The following LRFN5 variants were observed in gnomAD, a reference collection of about 807,000 sequenced individuals.
The protein encoded by LRFN5 is leucine rich repeat and fibronectin type III domain containing 5.
LRFN5 carries 24 observed loss-of-function variants against 45.6 expected under a neutral mutation model. The ratio of observed to expected loss-of-function variants is 0.53; its 90% confidence interval spans 0.38 to 0.74. The LOEUF (loss-of-function observed/expected upper bound fraction) is 0.74. Among genes scored for constraint, LRFN5 ranks in the 30% least tolerant of loss-of-function variants. The probability of loss-of-function intolerance (pLI) is 0.00; values close to 1 mark genes in which losing one functional copy is unlikely to be tolerated. For missense variants in LRFN5, 776 were observed against 861.5 expected, an observed-to-expected ratio of 0.90 and a Z score of 1.24; for synonymous variants, 340 against 313.8, an observed-to-expected ratio of 1.08 and a Z score of -0.88.
At chr14:41,845,590 A>T (rs1482064430) in intron 2 of LRFN5, among the ~76,000 whole-genome samples, 1 of 152,098 alleles carries the variant, frequency 6.6e-6, no homozygotes, top group African/African-American at 2.4e-5. Context: ...TGTGATTTTA[A>T]ATCTGACATC....
chr14:41,827,763 A>AT (rs1168965254), intron 2 of LRFN5, among the ~76,000 whole-genome samples: 3 of 152,034 alleles, frequency 2.0e-5, no homozygotes, highest in Non-Finnish European at 4.4e-5. Context: ...TGTTTTAACA[A>AT]TTTTTTATTT....
intron 1 of LRFN5, among the ~76,000 whole-genome samples, chr14:41,629,542 C>T (rs999109624): frequency 2.6e-5 from 4 of 152,094 alleles, no homozygotes; most frequent in Non-Finnish European, 4.4e-5. Context: ...TCAGTGTAGC[C>T]GATACAAATA....
At chr14:41,837,155 T>G (rs1594452659) in intron 2 of LRFN5, among the ~76,000 whole-genome samples, 2 of 110,548 alleles carry the variant, frequency 1.8e-5, no homozygotes, top group South Asian at 5.9e-4. Flanking sequence ...TTGGAGGCAC[T>G]AAAGGGAATT....
intron 2 of LRFN5, among the ~76,000 whole-genome samples, chr14:41,866,187 A>T (rs1889835317): frequency 6.6e-6 from 1 of 152,170 alleles, no homozygotes; most frequent in South Asian, 2.1e-4. Context: ...TAGATATTAC[A>T]TTTGGATCCA....
chr14:41,739,261 T>C (rs1286207541), intron 1 of LRFN5, among the ~76,000 whole-genome samples: 1 of 152,162 alleles, frequency 6.6e-6, no homozygotes, highest in East Asian at 1.9e-4. Context: ...GGCATGTGCC[T>C]GTAGTCTTAG....
chr14:41,678,442 T>C (rs1162812036), intron 1 of LRFN5, among the ~76,000 whole-genome samples: 3 of 151,920 alleles, frequency 2.0e-5, no homozygotes, highest in Non-Finnish European at 4.4e-5. Flanking sequence ...AATTCAGCAA[T>C]AATAGTTGGG....
rs187050187 is a variant in LRFN5 at position 41,768,879 on chromosome 14, G to T, written c.-21+1850G>T. Reference sequence around the variant, plus strand: ...TCATTTACTAATTGCTAAAATCAAGGCCAAAAGATTTTCTTAATTAACCTG... The same window carrying T: ...TCATTTACTAATTGCTAAAATCAAGTCCAAAAGATTTTCTTAATTAACCTG... On this transcript the variant is annotated intron_variant, in intron 2 of 5. Coordinates refer to ENST00000298119, the MANE Select transcript of LRFN5 (RefSeq NM_152447.5). Among the ~76,000 whole-genome samples the T allele has an allele frequency of 3.3e-3, 505 of 152,150 alleles. 1 individual carries two copies. Among genetic ancestry groups the T allele is most frequent in the Non-Finnish European group, 4.4e-3 (299 of 67,954 alleles).
intron 2 of LRFN5, among the ~76,000 whole-genome samples, chr14:41,796,861 T>C (rs17112267): frequency 0.027 from 4,135 of 152,034 alleles, 105 homozygotes; most frequent in African/African-American, 0.069. Context: ...AATTCTTTAG[T>C]ATTTTTTCAC....
chr14:41,655,377 A>C, intron 1 of LRFN5, among the ~76,000 whole-genome samples: 1 of 152,048 alleles, frequency 6.6e-6, no homozygotes, highest in East Asian at 1.9e-4. Flanking sequence ...TAAGTATTCT[A>C]GAAGAGAAAA....
chr14:41,824,277 C>T (rs764060873), intron 2 of LRFN5, among the ~76,000 whole-genome samples: 8 of 152,164 alleles, frequency 5.3e-5, no homozygotes, highest in Admixed American at 3.3e-4. Flanking sequence ...TGTGTTTTAT[C>T]ATCTGGAGAA....
intron 1 of LRFN5, among the ~76,000 whole-genome samples, chr14:41,693,301 T>C (rs1882461837): frequency 6.6e-6 from 1 of 152,234 alleles, no homozygotes; most frequent in Admixed American, 6.5e-5. Flanking sequence ...TTGATTAAGA[T>C]TGCATTGAAG....
chr14:41,654,091 T>A (rs565012772), intron 1 of LRFN5, among the ~76,000 whole-genome samples: 210 of 151,980 alleles, frequency 1.4e-3, no homozygotes, highest in African/African-American at 4.9e-3. Flanking sequence ...GAGATATACC[T>A]AATGTAAATG....
intron 2 of LRFN5, among the ~76,000 whole-genome samples, chr14:41,813,850 G>A (rs187684265): frequency 1.1e-3 from 166 of 152,010 alleles, no homozygotes; most frequent in African/African-American, 3.9e-3. Context: ...CCTCTCCAGC[G>A]TCTGTTGCTT....
At chr14:41,623,557 G>C (rs1051273954) in intron 1 of LRFN5, among the ~76,000 whole-genome samples, 1 of 152,070 alleles carries the variant, frequency 6.6e-6, no homozygotes, top group East Asian at 1.9e-4. Flanking sequence ...ATCAAACGTG[G>C]TTCAGTTGCT....
intron 1 of LRFN5, among the ~76,000 whole-genome samples, chr14:41,751,514 T>G (rs1391440543): frequency 1.3e-5 from 2 of 152,102 alleles, no homozygotes. Flanking sequence ...ATATTCACAC[T>G]TATATTTAGT....
intron 1 of LRFN5, among the ~76,000 whole-genome samples, chr14:41,702,375 C>T (rs1035209907): frequency 5.9e-5 from 9 of 152,292 alleles, no homozygotes; most frequent in African/African-American, 2.2e-4. Context: ...TGGCACCATA[C>T]ATTGTATACT....
intron 1 of LRFN5, among the ~76,000 whole-genome samples, chr14:41,640,279 T>C (rs1286036239): frequency 2.0e-5 from 3 of 152,138 alleles, no homozygotes; most frequent in Non-Finnish European, 4.4e-5. Flanking sequence ...TTGCTTTGCC[T>C]TAGGCTGTTA....
At chr14:41,736,802 A>C (rs1884456287) in intron 1 of LRFN5, among the ~76,000 whole-genome samples, 1 of 152,198 alleles carries the variant, frequency 6.6e-6, no homozygotes, top group African/African-American at 2.4e-5. Context: ...TTAAACCAGG[A>C]AGAAGTCAAA....
intron 1 of LRFN5, among the ~76,000 whole-genome samples, chr14:41,720,290 G>A (rs1470568326): frequency 1.3e-5 from 2 of 152,092 alleles, no homozygotes; most frequent in South Asian, 2.1e-4. Context: ...TGGCTGCATA[G>A]TATTCCATGA....
Sources: gnomAD v4.1 joint callset for allele counts (sites outside exome capture counted in the v4.1 genomes callset) on GRCh38, gnomAD v4.1.1 for gene constraint, MANE v1.5 for transcripts, NCBI Gene and HGNC (gene_info 2026-07-23, HGNC 2026-07-21) for gene names.